Variants in RSRC1 observed in about 807,000 individuals in gnomAD.
RSRC1 encodes serine/Arginine-related protein 53.
In RSRC1, 39 loss-of-function variants were observed where a neutral mutation model predicts 49.1. The observed-to-expected ratio is 0.79, with a 90% CI of 0.61 to 1.04. RSRC1 has a LOEUF of 1.04. RSRC1 is among the 50% of genes least tolerant of loss of function. RSRC1 has a pLI of 0.00. For synonymous variants in RSRC1, 143 were observed against 130.8 expected (o/e 1.09, Z -0.63); for missense variants, 388 against 402.4 (o/e 0.96, Z 0.31).
chr3:158,426,253 TAAAC>T (rs559193398), intron 6 of RSRC1, among the ~76,000 whole-genome samples: 56 of 151,596 alleles, frequency 3.7e-4, no homozygotes, highest in Non-Finnish European at 6.1e-4. Flanking sequence ...AAAGGCAAAA[TAAAC>T]AAAGTCAAAA....
At chr3:158,449,672 C>T (rs1282643567) in intron 6 of RSRC1, among the ~76,000 whole-genome samples, 2 of 151,880 alleles carry the variant, frequency 1.3e-5, no homozygotes, top group South Asian at 2.1e-4. Context: ...ATGTGCACAA[C>T]GTGCAAGTTT....
chr3:158,510,837 G>A lies in RSRC1; in HGVS notation c.653-26255G>A, dbSNP rs565633345. On this transcript the variant is annotated intron_variant, in intron 7 of 9. Transcript: ENST00000611884. ...TTGATTTTTCTTCTATGAATAATTGGTTATTTTTAATCTTTGTTCTTCCAT... is the reference window on the plus strand; with the variant it reads ...TTGATTTTTCTTCTATGAATAATTGATTATTTTTAATCTTTGTTCTTCCAT... 1.6e-4 allele frequency among the ~76,000 whole-genome samples: 25 copies of A among 152,046 alleles called. No individual in the cohort carries two copies. In the East Asian group the frequency reaches 4.6e-3, roughly 28 times the overall value.
At chr3:158,410,037 C>T (rs1203142256) in intron 6 of RSRC1, among the ~76,000 whole-genome samples, 1 of 152,060 alleles carries the variant, frequency 6.6e-6, no homozygotes, top group Non-Finnish European at 1.5e-5. Context: ...GAAAGTTTTA[C>T]AGTCATAGTC....
chr3:158,207,715 C>T (rs1721428366), intron 4 of RSRC1, among the ~76,000 whole-genome samples: 2 of 149,790 alleles, frequency 1.3e-5, no homozygotes, highest in Non-Finnish European at 1.5e-5. Flanking sequence ...TTATAAAGCA[C>T]AAAAAGCAAG....
intron 6 of RSRC1, among the ~76,000 whole-genome samples, chr3:158,396,814 AT>A (rs1733637075): frequency 6.6e-6 from 1 of 152,200 alleles, no homozygotes; most frequent in Non-Finnish European, 1.5e-5. Context: ...AATAACAGCA[AT>A]AATGGCTAAG....
rs557226836 is a variant in RSRC1, at chr3:158,469,628, T to C, written c.652+8625T>C. 4.6e-5 allele frequency: 7 copies of C among 153,484 alleles called. No homozygotes were observed. In the South Asian group the frequency reaches 1.4e-3, roughly 31 times the overall value. The allele number at this position is 153,484 out of a possible 1,614,324, so 9.5% of individuals were successfully genotyped here. On this transcript the variant is annotated intron_variant, in intron 7 of 9. Coordinates refer to ENST00000611884, the MANE Select transcript of RSRC1 (RefSeq NM_001271838.2). Reference sequence around the variant, plus strand: ...ATAAGCTGGCAACACTGTCTACCTGTCAAGTTATCTTACATTTAATTTTTA... The same window carrying C: ...ATAAGCTGGCAACACTGTCTACCTGCCAAGTTATCTTACATTTAATTTTTA...
intron 3 of RSRC1, among the ~76,000 whole-genome samples, chr3:158,202,204 G>A (rs149856290): frequency 2.9e-3 from 438 of 152,130 alleles, no homozygotes; most frequent in African/African-American, 0.01. Context: ...TAGTAGAGAT[G>A]GAGTTTCACC....
At chr3:158,298,925 A>G (rs1322134993) in intron 5 of RSRC1, among the ~76,000 whole-genome samples, 2 of 152,224 alleles carry the variant, frequency 1.3e-5, no homozygotes, top group Admixed American at 6.5e-5. Flanking sequence ...AAAAGCAAAC[A>G]GTAGCAAGAG....
intron 3 of RSRC1, among the ~76,000 whole-genome samples, chr3:158,174,081 G>A (rs1470657320): frequency 1.3e-5 from 2 of 151,748 alleles, no homozygotes; most frequent in Admixed American, 6.6e-5. Flanking sequence ...CATATAAAAT[G>A]GATGAATTTT....
intron 6 of RSRC1, among the ~76,000 whole-genome samples, chr3:158,420,277 C>G (rs934101823): frequency 4.6e-5 from 7 of 151,930 alleles, no homozygotes; most frequent in Non-Finnish European, 8.8e-5. Context: ...AAGTGTGGCA[C>G]TCTTAATGAA....
chr3:158,136,869 A>G (rs1041142916), intron 3 of RSRC1: 2 of 152,190 alleles, frequency 1.3e-5, no homozygotes, highest in African/African-American at 4.8e-5. Flanking sequence ...CTTGAGGATA[A>G]TAAGTTGAGT....
At chr3:158,339,217 G>A (rs562124318) in intron 5 of RSRC1, among the ~76,000 whole-genome samples, 8 of 149,742 alleles carry the variant, frequency 5.3e-5, no homozygotes, top group South Asian at 2.1e-4. Flanking sequence ...GCGTGAACCC[G>A]GGAAGCGGAG....
At chr3:158,355,666 A>G (rs1380712815) in intron 6 of RSRC1, among the ~76,000 whole-genome samples, 1 of 152,024 alleles carries the variant, frequency 6.6e-6, no homozygotes, top group Non-Finnish European at 1.5e-5. Context: ...TTTTTTAAAA[A>G]TATATAAGAT....
At chr3:158,346,972 A>C (rs187510611) in intron 5 of RSRC1, among the ~76,000 whole-genome samples, 4 of 152,322 alleles carry the variant, frequency 2.6e-5, no homozygotes, top group African/African-American at 7.2e-5. Flanking sequence ...AACATGGATA[A>C]GTTTCAAACT....
rs1224537472 is a variant in RSRC1 at position 158,463,779 on chromosome 3, C to CA, written c.652+2780dup. Among the ~76,000 whole-genome samples, 6 of 152,204 alleles carry CA rather than the reference C, an allele frequency of 3.9e-5. No homozygotes were observed. The East Asian group carries it at 9.6e-4, about 24-fold the overall frequency. ...CCAAAATAAAAGTCAGGCTGCACAC[C>CA]AAAACTGGTCCAGGATGACTACTTT... On this transcript the variant is annotated intron_variant, in intron 7 of 9. Coordinates refer to ENST00000611884, the MANE Select transcript of RSRC1 (RefSeq NM_001271838.2).
intron 6 of RSRC1, among the ~76,000 whole-genome samples, chr3:158,368,833 A>G (rs2177884): frequency 6.6e-6 from 1 of 152,154 alleles, no homozygotes; most frequent in Admixed American, 6.6e-5. Flanking sequence ...CTGATAGTCA[A>G]CCTTTTCTTA....
chr3:158,458,020 G>C (rs1018761486), intron 6 of RSRC1, among the ~76,000 whole-genome samples: 1 of 152,084 alleles, frequency 6.6e-6, no homozygotes, highest in Non-Finnish European at 1.5e-5. Context: ...AGTGCAAATG[G>C]GTGGGTTTAC....
chr3:158,185,069 G>A (rs576189559), intron 3 of RSRC1, among the ~76,000 whole-genome samples: 1 of 151,966 alleles, frequency 6.6e-6, no homozygotes, highest in East Asian at 1.9e-4. Flanking sequence ...ACTTAAAAAT[G>A]TTCATGTACA....
chr3:158,479,354 T>G (rs570837237), intron 7 of RSRC1, among the ~76,000 whole-genome samples: 1 of 151,646 alleles, frequency 6.6e-6, no homozygotes, highest in Non-Finnish European at 1.5e-5. Context: ...ATGATTGTTA[T>G]TCAGCCTGCC....
Sources: allele counts gnomAD v4.1 joint callset (sites outside exome capture counted in the v4.1 genomes callset), GRCh38; gene constraint gnomAD v4.1.1; transcripts MANE v1.5; gene names NCBI Gene and HGNC (gene_info 2026-07-23, HGNC 2026-07-21).